Variants in SHANK2 observed in about 807,000 individuals in gnomAD.
SHANK2 encodes SH3 and multiple ankyrin repeat domains 2.
A neutral mutation model predicts 133.7 loss-of-function variants in SHANK2; 43 were observed. The observed-to-expected ratio is 0.32, with a 90% CI of 0.25 to 0.41. The LOEUF (loss-of-function observed/expected upper bound fraction) is 0.41. Among genes scored for constraint, SHANK2 ranks in the 10% least tolerant of loss-of-function variants. SHANK2 has a pLI of 1.00. For synonymous variants in SHANK2, 1,017 were observed against 952.8 expected (o/e 1.07, Z -1.24); for missense variants, 1,994 against 2,235.8 (o/e 0.89, Z 2.18).
At chr11:71,140,640 A>G (rs1952537456) in intron 3 of SHANK2, among the ~76,000 whole-genome samples, 1 of 152,180 alleles carries the variant, frequency 6.6e-6, no homozygotes, top group Non-Finnish European at 1.5e-5. Flanking sequence ...GAGAACAGAA[A>G]CAGTAATGGG....
chr11:70,923,771 T>C (rs916322820), intron 10 of SHANK2, among the ~76,000 whole-genome samples: 3 of 152,170 alleles, frequency 2.0e-5, no homozygotes, highest in African/African-American at 4.8e-5. Flanking sequence ...CTGGCTGCTC[T>C]TGAACTCCTG....
intron 14 of SHANK2, among the ~76,000 whole-genome samples, chr11:70,699,704 C>T (rs1333343195): frequency 4.6e-5 from 7 of 152,220 alleles, no homozygotes; most frequent in African/African-American, 1.4e-4. Context: ...AAGGTCTCCA[C>T]ACCTTTCATG....
intron 17 of SHANK2, among the ~76,000 whole-genome samples, chr11:70,515,604 C>T (rs2059253613): frequency 7.1e-6 from 1 of 140,822 alleles, no homozygotes; most frequent in Non-Finnish European, 1.5e-5. Flanking sequence ...GAGTTTGAGA[C>T]CTGCTGGGCA....
intron 11 of SHANK2, among the ~76,000 whole-genome samples, chr11:70,858,098 C>T (rs971238885): frequency 1.3e-5 from 2 of 152,166 alleles, no homozygotes; most frequent in Admixed American, 6.5e-5. Context: ...CCCAAATGTG[C>T]CAGGAGCTAA....
At chr11:70,859,281 T>C (rs554235758) in intron 11 of SHANK2, among the ~76,000 whole-genome samples, 33 of 151,998 alleles carry the variant, frequency 2.2e-4, no homozygotes, top group African/African-American at 7.2e-4. Flanking sequence ...TAAATGGATA[T>C]ACAGATGGGC....
chr11:70,812,715 T>C (rs71469403), intron 12 of SHANK2, among the ~76,000 whole-genome samples: 2,245 of 152,314 alleles, frequency 0.015, 25 homozygotes, highest in African/African-American at 0.032. Flanking sequence ...TCAGGAGACA[T>C]GGCACCCGGG....
chr11:70,533,013 T>A (rs547248721), intron 17 of SHANK2, among the ~76,000 whole-genome samples: 39 of 152,296 alleles, frequency 2.6e-4, no homozygotes, highest in African/African-American at 8.7e-4. Context: ...CCACTTTGCA[T>A]GATTGCATTT....
chr11:71,151,833 T>C (rs539234479), intron 2 of SHANK2, among the ~76,000 whole-genome samples: 8 of 151,894 alleles, frequency 5.3e-5, no homozygotes, highest in South Asian at 2.1e-4. Context: ...GGTGCATGTG[T>C]AGGAAGCCCC....
intron 17 of SHANK2, among the ~76,000 whole-genome samples, chr11:70,647,859 G>T (rs2061287185): frequency 6.6e-6 from 1 of 152,212 alleles, no homozygotes. Flanking sequence ...ACTCTGGGGT[G>T]TGCATCAGCA....
At chr11:70,716,901 C>G (rs998171072) in intron 14 of SHANK2, among the ~76,000 whole-genome samples, 3 of 149,524 alleles carry the variant, frequency 2.0e-5, no homozygotes, top group Non-Finnish European at 4.5e-5. Flanking sequence ...CGGAGCCCCC[C>G]CCCCGCCCAA....
intron 14 of SHANK2, among the ~76,000 whole-genome samples, chr11:70,744,861 G>C (rs1555035633): frequency 2.0e-5 from 3 of 152,194 alleles, no homozygotes; most frequent in Admixed American, 2.0e-4. Context: ...GCCACCTCTT[G>C]AGCGATAAGC....
At chr11:70,584,467 C>A (rs2060222337) in intron 17 of SHANK2, among the ~76,000 whole-genome samples, 1 of 152,080 alleles carries the variant, frequency 6.6e-6, no homozygotes, top group South Asian at 2.1e-4. Context: ...ACAGAGGCCA[C>A]CCCACCCCTC....
chr11:71,079,894 A>AGGAAGGGGAGGGGAGGGGAG (rs1951273479), intron 8 of SHANK2, among the ~76,000 whole-genome samples: 1 of 16,582 alleles, frequency 6.0e-5, no homozygotes, highest in Non-Finnish European at 1.1e-4. Flanking sequence ...GGGGAGGGGA[A>AGGAAGGGGAGGGGAGGGGAG]GGAAGGGGAG....
At position 71,246,734 on chromosome 11, in the gene SHANK2, C is replaced by T. The variant is rs188452012; in HGVS notation, c.-113+5691G>A. 1.6e-4 allele frequency among the ~76,000 whole-genome samples: 24 copies of T among 152,256 alleles called. No homozygotes were observed. The East Asian group carries it at 3.1e-3, about 20-fold the overall frequency. ...ACATAAGAAAGGCATAGCTATCCCC[C>T]GGAAGCTGGTGAGGGGGTGGTGCAG... On this transcript the variant is annotated intron_variant, in intron 1 of 25. Transcript: ENST00000601538.
chr11:71,107,204 C>A (rs1340962324), intron 6 of SHANK2, among the ~76,000 whole-genome samples: 1 of 152,152 alleles, frequency 6.6e-6, no homozygotes, highest in South Asian at 2.1e-4. Context: ...TGCGTGGTCA[C>A]CATCTCCCTG....
chr11:71,234,172 T>C (rs1555123366), intron 1 of SHANK2, among the ~76,000 whole-genome samples: 2 of 80,572 alleles, frequency 2.5e-5, no homozygotes, highest in African/African-American at 5.3e-5. Context: ...ATAGTGAAAC[T>C]CCCTCTCTAC....
intron 14 of SHANK2, among the ~76,000 whole-genome samples, chr11:70,779,221 G>A (rs1257538595): frequency 2.6e-5 from 4 of 151,472 alleles, no homozygotes; most frequent in Non-Finnish European, 4.4e-5. Context: ...CATACTTCAC[G>A]GCAGCGAGGC....
rs1005265570 is a variant in SHANK2, at chr11:70,807,125, C to T, written c.1540G>A (p.Glu514Lys). The T allele has an allele frequency of 1.1e-5, 8 of 717,890 alleles. No individual in the cohort carries two copies. Among genetic ancestry groups the T allele is most frequent in the Admixed American group, 2.0e-5 (1 of 49,962 alleles). 44.5% of individuals were successfully genotyped at this position (717,890 alleles called of 1,614,324 possible). The change falls in exon 13 of 26, where the codon GAG (glutamate) becomes AAG (lysine). Residue 514 changes from glutamate to lysine, a missense_variant. Transcript: ENST00000601538. The surrounding 1 kb of genome is among the most constrained non-coding windows in gnomAD (Gnocchi z 4.8). Reference protein sequence around the residue: ...GANKDSLSAFEYPGPKRKLYS... With the variant: ...GANKDSLSAFKYPGPKRKLYS... ...AGCTTCCGCTTGGGCCCCGGGTACTCGAAGGCCGAGAGTGAGTCCTTGTTG... is the reference window on the plus strand; with the variant it reads ...AGCTTCCGCTTGGGCCCCGGGTACTTGAAGGCCGAGAGTGAGTCCTTGTTG...
At chr11:70,674,550 T>C (rs897474822) in intron 15 of SHANK2, among the ~76,000 whole-genome samples, 5 of 152,362 alleles carry the variant, frequency 3.3e-5, no homozygotes, top group African/African-American at 7.2e-5. Context: ...GGTTTTGCCA[T>C]GTTGGCCAGG....
Sources: allele counts gnomAD v4.1 joint callset (sites outside exome capture counted in the v4.1 genomes callset), GRCh38; gene constraint gnomAD v4.1.1; non-coding constraint Gnocchi (gnomAD v3.1); transcripts MANE v1.5; gene names NCBI Gene and HGNC (gene_info 2026-07-23, HGNC 2026-07-21).